The following DDX60L variants were observed in gnomAD, a reference collection of about 807,000 sequenced individuals.
The protein encoded by DDX60L is DExD/H-box 60 like.
In DDX60L, 191 loss-of-function variants were observed where a neutral mutation model predicts 211.6. That is an observed-to-expected ratio of 0.90 (90% CI 0.80 to 1.02). DDX60L has a LOEUF of 1.02. Ranked by LOEUF, DDX60L falls within the 50% of genes least tolerant of loss-of-function variation. The pLI, the probability that DDX60L is intolerant of heterozygous loss-of-function variation, is 0.00. For synonymous variants in DDX60L, 706 were observed against 694.1 expected (o/e 1.02, Z -0.27); for missense variants, 2,007 against 1,984.1 (o/e 1.01, Z -0.22).
intron 22 of DDX60L, among the ~76,000 whole-genome samples, chr4:168,408,578 T>C (rs1424300066): frequency 2.0e-5 from 3 of 151,954 alleles, no homozygotes; most frequent in African/African-American, 7.2e-5. Flanking sequence ...TCTTCATTCA[T>C]AAACAAAAGC....
intron 9 of DDX60L, 94 bp downstream of exon 9, chr4:168,448,543 GA>G: frequency 1.0e-6 from 1 of 959,606 alleles, no homozygotes; most frequent in Non-Finnish European, 1.5e-6. Flanking sequence ...AGGTTTTCAA[GA>G]AACAAAAATG....
intron 27 of DDX60L, among the ~76,000 whole-genome samples, chr4:168,395,231 CATAA>C (rs1447146747): frequency 6.6e-6 from 1 of 152,192 alleles, no homozygotes; most frequent in African/African-American, 2.4e-5. Context: ...TAATCATCCA[CATAA>C]ATATATACTA....
chr4:168,458,598 A>C (rs1193853853), intron 5 of DDX60L, among the ~76,000 whole-genome samples: 1 of 152,154 alleles, frequency 6.6e-6, no homozygotes, highest in Non-Finnish European at 1.5e-5. Flanking sequence ...GTGGGAGCTG[A>C]ACAATGAGAA....
chr4:168,414,533 T>C (rs900994845), intron 22 of DDX60L, among the ~76,000 whole-genome samples: 1 of 152,016 alleles, frequency 6.6e-6, no homozygotes, highest in Non-Finnish European at 1.5e-5. Flanking sequence ...AGGAAATCAG[T>C]ATATCAAAGA....
chr4:168,403,314 G>T (rs1408132316), intron 25 of DDX60L, among the ~76,000 whole-genome samples: 1 of 152,226 alleles, frequency 6.6e-6, no homozygotes, highest in African/African-American at 2.4e-5. Flanking sequence ...CTATGTGTTT[G>T]TGTGTTTGTC....
chr4:168,384,573 T>A, intron 30 of DDX60L, 39 bp downstream of exon 30: 2 of 1,611,022 alleles, frequency 1.2e-6, no homozygotes, highest in Non-Finnish European at 1.7e-6. Context: ...GCCAGGCCAG[T>A]GATGAAGACT....
intron 8 of DDX60L, among the ~76,000 whole-genome samples, chr4:168,452,675 A>G (rs961229639): frequency 6.6e-6 from 1 of 152,166 alleles, no homozygotes; most frequent in South Asian, 2.1e-4. Context: ...AGGCCCTAAA[A>G]TAAAAAATGA....
chr4:168,362,481 C>CT (rs747638702), intron 36 of DDX60L, among the ~76,000 whole-genome samples: 7 of 152,206 alleles, frequency 4.6e-5, no homozygotes, highest in Non-Finnish European at 8.8e-5. Flanking sequence ...AAGAGCCAGC[C>CT]TGGTGATAGC....
intron 30 of DDX60L, 124 bp from the exon 31 acceptor site, chr4:168,379,954 T>C: frequency 1.7e-6 from 1 of 576,732 alleles, no homozygotes; most frequent in Non-Finnish European, 3.0e-6. Flanking sequence ...GAAAGTAAAT[T>C]TCATTTGATT....
At chr4:168,472,056 G>T in intron 3 of DDX60L, 120 bp from the exon 4 acceptor site, 1 of 716,924 alleles carries the variant, frequency 1.4e-6, no homozygotes, top group Non-Finnish European at 2.3e-6. Context: ...AGTCCATGAT[G>T]CCTTTTCAAA....
chr4:168,478,508 G>C (rs1341233330), intron 1 of DDX60L, among the ~76,000 whole-genome samples: 1 of 152,076 alleles, frequency 6.6e-6, no homozygotes, highest in African/African-American at 2.4e-5. Flanking sequence ...CAAGCAGCAG[G>C]TTATAAAAAA....
At chr4:168,467,944 A>T (rs578105449) in intron 4 of DDX60L, among the ~76,000 whole-genome samples, 69 of 152,300 alleles carry the variant, frequency 4.5e-4, no homozygotes, top group African/African-American at 1.6e-3. Context: ...AAGCAGGCAG[A>T]TCACCTGAGG....
intron 1 of DDX60L, among the ~76,000 whole-genome samples, chr4:168,478,297 CCCAGG>C (rs10599588): frequency 0.36 from 55,198 of 151,800 alleles, 10,243 homozygotes; most frequent in African/African-American, 0.44. Context: ...GTGTTACCCT[CCCAGG>C]CCAGACTATC....
At chr4:168,426,760 C>G in intron 14 of DDX60L, among the ~76,000 whole-genome samples, 1 of 152,308 alleles carries the variant, frequency 6.6e-6, no homozygotes, top group South Asian at 2.1e-4. Flanking sequence ...GTTGCTGCTG[C>G]TGAGCCTCAC....
At chr4:168,441,836 G>C (rs114601333) in intron 9 of DDX60L, among the ~76,000 whole-genome samples, 1 of 151,718 alleles carries the variant, frequency 6.6e-6, no homozygotes, top group African/African-American at 2.4e-5. Flanking sequence ...AATTAACAAA[G>C]GAACATCACC....
chr4:168,475,482 A>G (rs1759350298), intron 1 of DDX60L, among the ~76,000 whole-genome samples: 1 of 152,214 alleles, frequency 6.6e-6, no homozygotes, highest in South Asian at 2.1e-4. Flanking sequence ...TTGTTTTTCA[A>G]TTTTTAGACT....
intron 13 of DDX60L, among the ~76,000 whole-genome samples, chr4:168,430,056 G>C (rs550875017): frequency 5.8e-4 from 88 of 152,216 alleles, no homozygotes; most frequent in African/African-American, 1.9e-3. Flanking sequence ...AGAATTAGCC[G>C]GGCCTGGTGG....
chr4:168,442,066 G>A (rs1753932930), intron 9 of DDX60L, among the ~76,000 whole-genome samples: 2 of 152,144 alleles, frequency 1.3e-5, no homozygotes, highest in African/African-American at 4.8e-5. Context: ...GAAGACGGGT[G>A]ATTTCTGCAT....
Position 168,453,837 on chromosome 4 carries a change from T to TA in DDX60L, c.838-556dup, listed in dbSNP as rs1432770287. Among the ~76,000 whole-genome samples the TA allele has an allele frequency of 3.3e-5, 5 of 152,312 alleles. No homozygotes were observed. In the East Asian group the frequency reaches 7.7e-4, roughly 23 times the overall value. ...GAGCAAAATTAGGGATAACTGAAAT[T>TA]ACAAGGAGATTGATTTGGGTTCAAT... On this transcript the variant is annotated intron_variant, in intron 7 of 37. Coordinates refer to ENST00000682922, the MANE Select transcript of DDX60L (RefSeq NM_001012967.3).
Sources: allele counts gnomAD v4.1 joint callset (sites outside exome capture counted in the v4.1 genomes callset), GRCh38; gene constraint gnomAD v4.1.1; transcripts MANE v1.5; gene names NCBI Gene and HGNC (gene_info 2026-07-23, HGNC 2026-07-21).